Variants in LRRC49 observed in about 807,000 individuals in gnomAD.
LRRC49 encodes the protein leucine-rich repeat-containing protein 49.
A neutral mutation model predicts 83.3 loss-of-function variants in LRRC49; 50 were observed. That is an observed-to-expected ratio of 0.60 (90% CI 0.48 to 0.76). The LOEUF (loss-of-function observed/expected upper bound fraction) is 0.76. Among genes scored for constraint, LRRC49 ranks in the 30% least tolerant of loss-of-function variants. The pLI is 0.00. For missense variants in LRRC49, 704 were observed against 809.1 expected (o/e 0.87, Z 1.58); for synonymous variants, 286 against 283.3 (o/e 1.01, Z -0.10).
chr15:70,899,830 T>C (rs1402789438), intron 3 of LRRC49, among the ~76,000 whole-genome samples: 1 of 152,220 alleles, frequency 6.6e-6, no homozygotes, highest in Non-Finnish European at 1.5e-5. Flanking sequence ...GGTTCTGTTT[T>C]ACTATTATAC....
At chr15:71,012,290 G>C (rs1024570659) in intron 13 of LRRC49, among the ~76,000 whole-genome samples, 1 of 152,052 alleles carries the variant, frequency 6.6e-6, no homozygotes, top group Admixed American at 6.6e-5. Context: ...TCTTTTTGGG[G>C]AGAAAGACTG....
At chr15:70,970,917 G>C (rs2036972228) in intron 9 of LRRC49, among the ~76,000 whole-genome samples, 2 of 151,822 alleles carry the variant, frequency 1.3e-5, no homozygotes, top group Admixed American at 1.3e-4. Context: ...CTATTTTGTT[G>C]ATCTTTTCAA....
At chr15:70,899,374 A>T (rs1165283143) in intron 3 of LRRC49, among the ~76,000 whole-genome samples, 1 of 151,896 alleles carries the variant, frequency 6.6e-6, no homozygotes. Flanking sequence ...CAGTCTTTAG[A>T]CTGGTTTTTG....
intron 8 of LRRC49, among the ~76,000 whole-genome samples, chr15:70,960,037 T>A (rs1036502520): frequency 6.6e-6 from 1 of 152,212 alleles, no homozygotes; most frequent in African/African-American, 2.4e-5. Context: ...AGAGTCCAGT[T>A]TTTAAAGTCT....
chr15:71,008,662 G>T (rs757775894), intron 12 of LRRC49, 46 bp downstream of exon 12: 40 of 1,390,258 alleles, frequency 2.9e-5, no homozygotes, highest in Middle Eastern at 3.9e-4. Context: ...CTTAGTCAAT[G>T]ACTTGTGTGT....
At chr15:70,920,667 C>T in intron 7 of LRRC49, among the ~76,000 whole-genome samples, 1 of 152,064 alleles carries the variant, frequency 6.6e-6, no homozygotes, top group South Asian at 2.1e-4. Flanking sequence ...ACTGAATTTC[C>T]CGTTGAGTAT....
chr15:70,853,868 C>G, intron 1 of LRRC49: 2 of 1,258,592 alleles, frequency 1.6e-6, no homozygotes, highest in Non-Finnish European at 2.0e-6. Context: ...GCCCACCTCC[C>G]GGGCCAGCCG....
upstream of LRRC49, chr15:70,891,836 C>A: frequency 6.4e-7 from 1 of 1,574,514 alleles, no homozygotes; most frequent in Admixed American, 1.7e-5. Context: ...TCGGTGGTCT[C>A]TCTTTACCTG....
At chr15:71,013,240 T>C (rs1409661869) in intron 14 of LRRC49, among the ~76,000 whole-genome samples, 1 of 152,124 alleles carries the variant, frequency 6.6e-6, no homozygotes, top group East Asian at 1.9e-4. Context: ...ATCTAGTTCT[T>C]TGGGAATGAG....
rs1487726409 is a variant in LRRC49 at position 71,053,502 on chromosome 15, T to A, written c.*3890T>A. On this transcript the variant is annotated 3_prime_UTR_variant, in exon 16 of 16. Transcript: ENST00000260382. ...CATATGTTGAGATGGTTGTTAAATA[T>A]CCAAGTGCAGGTGTTAAGTAGGTGT... 6 of 152,202 alleles carry A rather than the reference T, an allele frequency of 3.9e-5. No homozygotes were observed. The highest frequency in any genetic ancestry group is 1.4e-4 in the African/African-American group (6 of 41,438). The allele number at this position is 152,202 out of a possible 1,614,324, so 9.4% of individuals were successfully genotyped here. A position where few individuals can be genotyped will look rare whatever the true frequency, so the allele number is the denominator to read the frequency against.
In LRRC49 at chr15:71,048,953, A is replaced by G. The variant is rs190484175; in HGVS notation, c.1858-456A>G. 3.8e-3 allele frequency: 1,543 copies of G among 409,910 alleles called. 7 individuals carry two copies. The highest frequency in any genetic ancestry group is 6.1e-3 in the Non-Finnish European group (1,274 of 208,194). The allele number at this position is 409,910 out of a possible 1,614,324, so 25.4% of individuals were successfully genotyped here. ...GTGTACCATTTTATGCTTTCCCATA[A>G]TAGAGGGTAAATTCAGAGTATACAT... On this transcript the variant is annotated intron_variant, in intron 15 of 15. Coordinates refer to ENST00000260382, the MANE Select transcript of LRRC49 (RefSeq NM_017691.5).
chr15:70,972,833 AT>A (rs2037059443), intron 9 of LRRC49, among the ~76,000 whole-genome samples: 1 of 152,058 alleles, frequency 6.6e-6, no homozygotes, highest in Non-Finnish European at 1.5e-5. Context: ...TTTCAGCTCC[AT>A]CAGGTCATTT....
At chr15:70,888,860 T>G (rs1157476243), upstream of LRRC49, among the ~76,000 whole-genome samples, 1 of 152,184 alleles carries the variant, frequency 6.6e-6, no homozygotes, top group African/African-American at 2.4e-5. Flanking sequence ...AGGTGTTTCC[T>G]TACTAATTTC....
At chr15:71,040,585 C>G (rs971267202) in intron 15 of LRRC49, among the ~76,000 whole-genome samples, 9 of 151,938 alleles carry the variant, frequency 5.9e-5, no homozygotes, top group African/African-American at 2.2e-4. Flanking sequence ...TTTGGGAGGC[C>G]AAGGCAGGCG....
intron 14 of LRRC49, among the ~76,000 whole-genome samples, chr15:71,020,115 G>T (rs1213643636): frequency 1.3e-5 from 2 of 152,062 alleles, no homozygotes; most frequent in African/African-American, 4.8e-5. Flanking sequence ...ATTGCAAAAA[G>T]TGATCCAGAA....
intron 14 of LRRC49, among the ~76,000 whole-genome samples, chr15:71,015,359 G>T (rs1030703284): frequency 5.3e-5 from 8 of 152,140 alleles, no homozygotes; most frequent in African/African-American, 9.7e-5. Context: ...GCTAGGGGAT[G>T]GTTTTGGAAT....
intron 11 of LRRC49, among the ~76,000 whole-genome samples, chr15:71,005,081 A>G (rs1430433800): frequency 6.6e-6 from 1 of 152,210 alleles, no homozygotes. Context: ...TATATTATAC[A>G]TAATCAGGTT....
rs2032985863 is a variant in LRRC49 at position 70,869,586 on chromosome 15, G to T, written c.-298-3322G>T. Among the ~76,000 whole-genome samples the T allele has an allele frequency of 4.6e-5, 7 of 152,152 alleles. No individual in the cohort carries two copies. In the South Asian group the frequency reaches 1.5e-3, roughly 32 times the overall value. On this transcript the variant is annotated intron_variant, in intron 1 of 16. Coordinates refer to the LRRC49 transcript ENST00000544974. Reference sequence around the variant, plus strand: ...CATTTTAGGCTGTGTGCAAGCAGAGGAGGCTACTACAGATCCGCTGCTTTA... The same window carrying T: ...CATTTTAGGCTGTGTGCAAGCAGAGTAGGCTACTACAGATCCGCTGCTTTA...
intron 7 of LRRC49, among the ~76,000 whole-genome samples, chr15:70,924,259 T>G (rs759116635): frequency 1.5e-4 from 23 of 151,962 alleles, no homozygotes; most frequent in Non-Finnish European, 2.4e-4. Context: ...TTTAAACATA[T>G]AATCTGAGAA....
Sources: allele counts gnomAD v4.1 joint callset (sites outside exome capture counted in the v4.1 genomes callset), GRCh38; gene constraint gnomAD v4.1.1; transcripts MANE v1.5; gene names NCBI Gene and HGNC (gene_info 2026-07-23, HGNC 2026-07-21).